The following KLHL36 variants were observed in gnomAD, a reference collection of about 807,000 sequenced individuals.
KLHL36 encodes kelch like family member 36.
Under a neutral mutation model 53.3 loss-of-function variants are expected in KLHL36, and 35 were observed. The observed-to-expected ratio is 0.66, with a 90% confidence interval of 0.50 to 0.87. KLHL36 has a LOEUF of 0.87. Ranked by LOEUF, KLHL36 falls within the 40% of genes least tolerant of loss-of-function variation. KLHL36 has a pLI of 0.00. For missense variants in KLHL36, 864 were observed against 897.6 expected, an observed-to-expected ratio of 0.96 and a Z score of 0.48; for synonymous variants, 472 against 398.9, an observed-to-expected ratio of 1.18 and a Z score of -2.18.
Position 84,653,254 on chromosome 16 carries a change from C to A in KLHL36, c.63+2324C>A, listed in dbSNP as rs555137000. On this transcript the variant is annotated intron_variant, in intron 2 of 4. Transcript: ENST00000564996. ...TGTTGTTCCTTTTTGATGCTAAATTCTTTTTCCACGTCTAATACCTGGTAC... is the reference window on the plus strand; with the variant it reads ...TGTTGTTCCTTTTTGATGCTAAATTATTTTTCCACGTCTAATACCTGGTAC... Among the ~76,000 whole-genome samples, 9 of 152,054 alleles carry A rather than the reference C, an allele frequency of 5.9e-5. No homozygotes were observed. The East Asian group carries it at 7.7e-4, about 13-fold the overall frequency.
chr16:84,662,035 A>G lies in KLHL36; in HGVS notation c.1753A>G (p.Ile585Val). 2 of 1,586,568 alleles carry G rather than the reference A, an allele frequency of 1.3e-6. No individual in the cohort carries two copies. Among genetic ancestry groups the G allele is most frequent in the Non-Finnish European group, 1.7e-6 (2 of 1,167,800 alleles). The stretch of plus-strand genomic sequence containing the variant: ...CAGGGGCGTCGACCTGCCCAAGGCC[A>G]TCGCTGGCGGGTCCGCCTGTGTCTG... Reference protein sequence around the residue: ...WSRGVDLPKAIAGGSACVCAL... With the variant: ...WSRGVDLPKAVAGGSACVCAL... Residue 585 changes from isoleucine to valine, a missense_variant, in exon 5 of 5, where the codon ATC becomes GTC. Ile to Val is a conservative substitution (Grantham distance 29). Coordinates refer to ENST00000564996, the MANE Select transcript of KLHL36 (RefSeq NM_024731.4).
rs144443826 is a variant in KLHL36, at chr16:84,650,890, C to T, written c.23C>T (p.Thr8Met). The change falls in exon 2 of 5, where the codon ACG (threonine) becomes ATG (methionine). Residue 8 changes from threonine (T) to methionine (M), a missense_variant. Thr to Met is a moderately conservative substitution (Grantham distance 81). Coordinates refer to ENST00000564996, the MANE Select transcript of KLHL36 (RefSeq NM_024731.4). Reference protein sequence around the residue: MMEGSRQTRVSRPYKISE... With the variant: MMEGSRQMRVSRPYKISE... ...TTAATGATGGAGGGAAGCAGGCAGA[C>T]GCGAGTGTCTCGGCCATACAAGATC... 1.6e-5 allele frequency: 26 copies of T among 1,611,528 alleles called. No homozygotes were observed. The highest frequency in any genetic ancestry group is 6.7e-5 in the African/African-American group (5 of 74,610).
At chr16:84,649,203 C>G (rs1037366302) in intron 1 of KLHL36, 6 of 152,380 alleles carry the variant, frequency 3.9e-5, no homozygotes, top group African/African-American at 1.4e-4. Context: ...GACCCTTCAC[C>G]TGCTTCCAAA....
Position 84,663,114 on chromosome 16 carries a change from C to T in KLHL36, c.*981C>T, listed in dbSNP as rs1227540907. The stretch of plus-strand genomic sequence containing the variant: ...TGTTGAAAGTTCCTGCACAGAGGAG[C>T]ACATGTGGATCCCTGAGAAGGCAGT... On this transcript the variant is annotated 3_prime_UTR_variant, in exon 5 of 5. Transcript: ENST00000564996. 6.6e-6 allele frequency: 1 copy of T among 152,160 alleles called. No individual in the cohort carries two copies. Among genetic ancestry groups the T allele is most frequent in the Admixed American group, 6.6e-5 (1 of 15,264 alleles). 9.4% of individuals were successfully genotyped at this position (152,160 alleles called of 1,614,324 possible).
chr16:84,653,283 C>T (rs1457166896), intron 2 of KLHL36, among the ~76,000 whole-genome samples: 1 of 152,122 alleles, frequency 6.6e-6, no homozygotes, highest in Non-Finnish European at 1.5e-5. Flanking sequence ...CTGGTACCTG[C>T]CGCCTCCTCC....
chr16:84,658,164 A>G lies in KLHL36; in HGVS notation c.1137+220A>G, dbSNP rs113127061. The stretch of plus-strand genomic sequence containing the variant: ...CGAGGGGTCCGTCATCGTTCAGAGC[A>G]GCACTGCCTGGCGGGGCTTTCTGTG... On this transcript the variant is annotated intron_variant, in intron 3 of 4. Coordinates refer to ENST00000564996, the MANE Select transcript of KLHL36 (RefSeq NM_024731.4). 1,652 of 430,210 alleles carry G rather than the reference A, an allele frequency of 3.8e-3. 25 individuals are homozygous for G. Among genetic ancestry groups the G allele is most frequent in the African/African-American group, 0.028 (1,382 of 49,392 alleles). The allele number at this position is 430,210 out of a possible 1,614,324, so 26.6% of individuals were successfully genotyped here.
rs138663855 is a variant in KLHL36, at chr16:84,666,139, G to A, written c.*4006G>A. The A allele has an allele frequency of 1.3e-5, 2 of 152,206 alleles. No individual in the cohort carries two copies. Among genetic ancestry groups the A allele is most frequent in the Admixed American group, 6.5e-5 (1 of 15,278 alleles). The allele number at this position is 152,206 out of a possible 1,614,324, so 9.4% of individuals were successfully genotyped here. On this transcript the variant is annotated 3_prime_UTR_variant, in exon 5 of 5. Coordinates refer to ENST00000564996, the MANE Select transcript of KLHL36 (RefSeq NM_024731.4). ...CGGGCACTTGGAGACCCTGTCCTGC[G>A]CATCTGCCAAGCCTGGCAGTTTTTA...
chr16:84,653,214 C>T (rs371295676), intron 2 of KLHL36, among the ~76,000 whole-genome samples: 19 of 150,992 alleles, frequency 1.3e-4, no homozygotes, highest in African/African-American at 4.6e-4. Flanking sequence ...GAGACCCTGT[C>T]TCAAAAAAAA....
At chr16:84,651,552 G>C (rs1209006285) in intron 2 of KLHL36, among the ~76,000 whole-genome samples, 2 of 152,170 alleles carry the variant, frequency 1.3e-5, no homozygotes, top group African/African-American at 2.4e-5. Flanking sequence ...GGTAAAGAGT[G>C]GGGGAGCCAT....
chr16:84,656,544 A>G (rs1189879536), intron 2 of KLHL36, among the ~76,000 whole-genome samples: 1 of 150,528 alleles, frequency 6.6e-6, no homozygotes, highest in Non-Finnish European at 1.5e-5. Context: ...AGGCAGGAGA[A>G]TCACTTGAAC....
chr16:84,650,186 G>C (rs1906769748), intron 1 of KLHL36, among the ~76,000 whole-genome samples: 1 of 152,174 alleles, frequency 6.6e-6, no homozygotes, highest in African/African-American at 2.4e-5. Context: ...TTGCAGTGGG[G>C]ACTAAGTGAA....
Position 84,656,918 on chromosome 16 carries a change from C to T in KLHL36, c.111C>T (p.Asn37=), listed in dbSNP as rs528050144. 2.5e-5 allele frequency: 40 copies of T among 1,612,780 alleles called. No individual in the cohort carries two copies. The highest frequency in any genetic ancestry group is 2.3e-4 in the Admixed American group (14 of 60,016). ...CAAGCACGGTGCTGCAGCGGCTGAACGAGCAGCGTCTCCGCGGGCTCTTCT... is the reference window on the plus strand; with the variant it reads ...CAAGCACGGTGCTGCAGCGGCTGAATGAGCAGCGTCTCCGCGGGCTCTTCT... ...DHSSTVLQRL[N]EQRLRGLFCD... is the part of the protein sequence containing the mutation. Residue 37 remains asparagine (N), a synonymous_variant, in exon 3 of 5, where the codon AAC becomes AAT. Transcript: ENST00000564996.
At chr16:84,660,424 C>T (rs138178780) in intron 4 of KLHL36, among the ~76,000 whole-genome samples, 45 of 152,266 alleles carry the variant, frequency 3.0e-4, no homozygotes, top group African/African-American at 9.9e-4. Context: ...GGGTGGCCGC[C>T]TCACCCTCCT....
At chr16:84,654,725 G>C (rs375845795) in intron 2 of KLHL36, among the ~76,000 whole-genome samples, 1,901 of 152,204 alleles carry the variant, frequency 0.012, 53 homozygotes, top group African/African-American at 0.044. Flanking sequence ...ATTCTCCTGC[G>C]TCAGCCTCCT....
At position 84,661,803 on chromosome 16, in the gene KLHL36, C is replaced by T; in HGVS notation, c.1521C>T (p.Ser507=). ...GGGGCAGCGATGACAACATCGAGTC[C>T]ATGGAGCGCTTCGACGTGCTGGGCG... The part of the protein sequence containing the change: ...SIGGSDDNIE[S]MERFDVLGVE... Residue 507 remains serine, a synonymous_variant, in exon 5 of 5, where the codon TCC becomes TCT. Transcript: ENST00000564996. This position sits in a 1 kb window ranked among gnomAD's most constrained non-coding sequence, Gnocchi z 7.9. 1 of 1,611,020 alleles carries T rather than the reference C, an allele frequency of 6.2e-7. No individual in the cohort carries two copies.
In KLHL36 at chr16:84,664,692, T is replaced by G. The variant is rs746438080; in HGVS notation, c.*2559T>G. On this transcript the variant is annotated 3_prime_UTR_variant, in exon 5 of 5. Coordinates refer to ENST00000564996, the MANE Select transcript of KLHL36 (RefSeq NM_024731.4). ...GCTACACTGTGACAAGAAAGGTTTT[T>G]GAGCTTGTTGGGGTCAGTGGATGGG... 6.6e-6 allele frequency: 1 copy of G among 152,204 alleles called. No homozygotes were observed. Among genetic ancestry groups the G allele is most frequent in the Non-Finnish European group, 1.5e-5 (1 of 68,036 alleles). 9.4% of individuals were successfully genotyped at this position (152,204 alleles called of 1,614,324 possible).
In KLHL36 at chr16:84,661,880, T is replaced by A; in HGVS notation, c.1598T>A (p.Leu533Gln). 1 of 1,600,974 alleles carries A rather than the reference T, an allele frequency of 6.2e-7. No homozygotes were observed. The highest frequency in any genetic ancestry group is 8.5e-7 in the Non-Finnish European group (1 of 1,170,084). ...CNQWTRVAPL[L>Q]HANSESGVAV... ...CAGTGGACCCGCGTGGCGCCGCTGC[T>A]GCACGCCAACAGCGAGTCGGGCGTG... Residue 533 changes from leucine to glutamine, a missense_variant, in exon 5 of 5, where the codon CTG becomes CAG. Transcript: ENST00000564996. This position sits in a 1 kb window ranked among gnomAD's most constrained non-coding sequence, Gnocchi z 7.9.
intron 2 of KLHL36, among the ~76,000 whole-genome samples, chr16:84,654,926 G>A (rs373909212): frequency 6.6e-6 from 1 of 152,212 alleles, no homozygotes; most frequent in Non-Finnish European, 1.5e-5. Context: ...AGGAGTTTCA[G>A]GCCGCAGTGA....
chr16:84,662,169 A>G lies in KLHL36; in HGVS notation c.*36A>G. The G allele has an allele frequency of 6.8e-7, 1 of 1,466,406 alleles. No individual in the cohort carries two copies. Among genetic ancestry groups the G allele is most frequent in the Non-Finnish European group, 9.1e-7 (1 of 1,101,688 alleles). 90.8% of individuals were successfully genotyped at this position (1,466,406 alleles called of 1,614,324 possible). On this transcript the variant is annotated 3_prime_UTR_variant, in exon 5 of 5. Transcript: ENST00000564996. The stretch of plus-strand genomic sequence containing the variant: ...GCCTCTTGGGACCATCCTCACCGTC[A>G]CCTCCCAGGGCTCTGTAGACCAGCA...
Sources: allele counts gnomAD v4.1 joint callset (sites outside exome capture counted in the v4.1 genomes callset), GRCh38; gene constraint gnomAD v4.1.1; non-coding constraint Gnocchi (gnomAD v3.1); transcripts MANE v1.5; gene names NCBI Gene and HGNC (gene_info 2026-07-23, HGNC 2026-07-21).